The following GRID2 variants were observed in gnomAD, a reference collection of about 807,000 sequenced individuals.
GRID2 encodes the protein glutamate ionotropic receptor delta type subunit 2, also known as glutamate receptor ionotropic, delta-2.
A neutral mutation model predicts 114.8 loss-of-function variants in GRID2; 33 were observed. That is an observed-to-expected ratio of 0.29 (90% CI 0.22 to 0.38). The LOEUF is 0.38. Among genes scored for constraint, GRID2 ranks in the 10% least tolerant of loss-of-function variants. GRID2 has a pLI of 1.00. For synonymous variants in GRID2, 505 were observed against 449.9 expected, an observed-to-expected ratio of 1.12 and a Z score of -1.55; for missense variants, 1,184 against 1,257.7, an observed-to-expected ratio of 0.94 and a Z score of 0.89.
chr4:92,384,522 TAATATAATATATAATATAATATATAA>T (rs1560598888), intron 1 of GRID2, among the ~76,000 whole-genome samples: 2 of 32,122 alleles, frequency 6.2e-5, no homozygotes, highest in South Asian at 7.7e-4. Context: ...TAATATTATA[TAATATAATATATAATATAATATATAA>T]TATATATTAT....
chr4:92,834,509 G>T (rs1215554031), intron 2 of GRID2, among the ~76,000 whole-genome samples: 1 of 152,052 alleles, frequency 6.6e-6, no homozygotes, highest in Non-Finnish European at 1.5e-5. Flanking sequence ...CTGAATTTTT[G>T]TCGTTTAATC....
chr4:93,570,479 G>A (rs1014242125), intron 13 of GRID2, among the ~76,000 whole-genome samples: 5 of 152,126 alleles, frequency 3.3e-5, no homozygotes, highest in Non-Finnish European at 7.4e-5. Context: ...AGGGGCTGTC[G>A]GGGAAAATAA....
chr4:92,941,344 G>C (rs1751110742), intron 2 of GRID2, among the ~76,000 whole-genome samples: 1 of 152,168 alleles, frequency 6.6e-6, no homozygotes, highest in Non-Finnish European at 1.5e-5. Context: ...AGATTTTCTA[G>C]TTTATTTGCA....
intron 11 of GRID2, among the ~76,000 whole-genome samples, chr4:93,485,400 ATCTTT>A (rs1490681853): frequency 2.0e-5 from 3 of 151,656 alleles, no homozygotes; most frequent in South Asian, 2.1e-4. Flanking sequence ...CAAATTATCA[ATCTTT>A]TCTTTTGTGT....
At position 92,792,456 on chromosome 4, in the gene GRID2, A is replaced by AACACACACACACACAC. The variant is rs35204445; in HGVS notation, c.244+202203_244+202218dup. On this transcript the variant is annotated intron_variant, in intron 2 of 15. Transcript: ENST00000282020. The stretch of plus-strand genomic sequence containing the variant: ...AAATGATTTTATTAGCAGGCAAGAG[A>AACACACACACACACAC]ACACACACACACACACACACACACA... Among the ~76,000 whole-genome samples, 300 of 136,170 alleles carry AACACACACACACACAC rather than the reference A, an allele frequency of 2.2e-3. 4 individuals carry two copies. Among genetic ancestry groups the AACACACACACACACAC allele is most frequent in the African/African-American group, 7.9e-3 (286 of 36,218 alleles). The allele number at this position is 136,170 out of a possible 152,430, so 89.3% of individuals were successfully genotyped here.
intron 2 of GRID2, among the ~76,000 whole-genome samples, chr4:92,927,192 T>G (rs897669897): frequency 5.3e-5 from 8 of 152,000 alleles, no homozygotes; most frequent in African/African-American, 1.9e-4. Flanking sequence ...CTAAAGCAAT[T>G]ATTTTCTACA....
chr4:93,633,435 T>C (rs1721123163), intron 14 of GRID2, among the ~76,000 whole-genome samples: 1 of 152,146 alleles, frequency 6.6e-6, no homozygotes, highest in African/African-American at 2.4e-5. Flanking sequence ...GGAAAGCTCC[T>C]GAGCTCCTTG....
At chr4:92,709,390 G>A (rs1358329266) in intron 2 of GRID2, among the ~76,000 whole-genome samples, 1 of 151,684 alleles carries the variant, frequency 6.6e-6, no homozygotes, top group Non-Finnish European at 1.5e-5. Context: ...AGATAAATCA[G>A]CTGCATATAA....
intron 2 of GRID2, among the ~76,000 whole-genome samples, chr4:92,871,319 T>C (rs554683457): frequency 8.0e-4 from 122 of 152,290 alleles, no homozygotes; most frequent in African/African-American, 2.8e-3. Flanking sequence ...ATTCTTTTTT[T>C]TTCTGTTAAT....
At chr4:92,733,951 T>A (rs1485473398) in intron 2 of GRID2, among the ~76,000 whole-genome samples, 1 of 152,022 alleles carries the variant, frequency 6.6e-6, no homozygotes, top group Non-Finnish European at 1.5e-5. Context: ...TTTCTCCAAC[T>A]CTTCCTCACT....
At chr4:92,447,218 A>T (rs1370787554) in intron 1 of GRID2, among the ~76,000 whole-genome samples, 1 of 152,202 alleles carries the variant, frequency 6.6e-6, no homozygotes, top group Non-Finnish European at 1.5e-5. Context: ...AAGACCTCAA[A>T]AATAGATTTG....
At chr4:92,368,373 G>A (rs1171846718) in intron 1 of GRID2, among the ~76,000 whole-genome samples, 1 of 151,844 alleles carries the variant, frequency 6.6e-6, no homozygotes, top group African/African-American at 2.4e-5. Context: ...AAATATGATG[G>A]GCCTTTATTT....
chr4:93,561,232 G>T lies in GRID2; in HGVS notation c.2193+45821G>T, dbSNP rs529710304. Among the ~76,000 whole-genome samples, 4 of 152,082 alleles carry T rather than the reference G, an allele frequency of 2.6e-5. No homozygotes were observed. In the East Asian group the frequency reaches 7.7e-4, roughly 29 times the overall value. On this transcript the variant is annotated intron_variant, in intron 13 of 15. Coordinates refer to ENST00000282020, the MANE Select transcript of GRID2 (RefSeq NM_001510.4). ...ATTATATTGCTTTCTCCATTTATAC[G>T]TAAGTTTGAAATTTTCCTCAATGAA...
chr4:92,428,178 C>T (rs1732252379), intron 1 of GRID2, among the ~76,000 whole-genome samples: 1 of 152,032 alleles, frequency 6.6e-6, no homozygotes, highest in Admixed American at 6.6e-5. Context: ...AGGAGAATGG[C>T]ATGAACCCGG....
chr4:93,371,606 T>C (rs1762918680), intron 8 of GRID2, among the ~76,000 whole-genome samples: 1 of 152,094 alleles, frequency 6.6e-6, no homozygotes, highest in South Asian at 2.1e-4. Flanking sequence ...CAGGATTAGA[T>C]TCACATGCAA....
intron 1 of GRID2, among the ~76,000 whole-genome samples, chr4:92,346,187 TC>T (rs925053442): frequency 2.0e-5 from 3 of 152,144 alleles, no homozygotes; most frequent in African/African-American, 7.2e-5. Flanking sequence ...TTGATTTAAA[TC>T]CTTCTGAGAT....
intron 1 of GRID2, among the ~76,000 whole-genome samples, chr4:92,589,736 G>C (rs766903151): frequency 1.3e-5 from 2 of 152,156 alleles, no homozygotes; most frequent in Non-Finnish European, 2.9e-5. Context: ...TATATTCTAT[G>C]AATGGACCTC....
At chr4:93,578,882 C>T (rs142973469) in intron 13 of GRID2, among the ~76,000 whole-genome samples, 6 of 152,220 alleles carry the variant, frequency 3.9e-5, no homozygotes, top group East Asian at 3.9e-4. Context: ...CGTGAGCCAC[C>T]GCACCCGGCT....
intron 2 of GRID2, among the ~76,000 whole-genome samples, chr4:92,916,966 A>G (rs368581033): frequency 1.0e-3 from 153 of 152,180 alleles, no homozygotes; most frequent in Non-Finnish European, 2.0e-3. Flanking sequence ...TGAACTAGTT[A>G]ACAGTCCCAC....
Sources: allele counts gnomAD v4.1 joint callset (sites outside exome capture counted in the v4.1 genomes callset), GRCh38; gene constraint gnomAD v4.1.1; transcripts MANE v1.5; gene names NCBI Gene and HGNC (gene_info 2026-07-23, HGNC 2026-07-21).